The following ADCY2 variants were observed in gnomAD, a reference collection of about 807,000 sequenced individuals.
ADCY2 encodes adenylate cyclase 2.
In ADCY2, 31 loss-of-function variants were observed where a neutral mutation model predicts 125.2. That is an observed-to-expected ratio of 0.25 (90% CI 0.19 to 0.33). The LOEUF (loss-of-function observed/expected upper bound fraction) is 0.33. Ranked by LOEUF, ADCY2 falls within the 10% of genes least tolerant of loss-of-function variation. The pLI is 1.00. For synonymous variants in ADCY2, 512 were observed against 548.4 expected (o/e 0.93, Z 0.93); for missense variants, 904 against 1,418.2 (o/e 0.64, Z 5.82).
chr5:7,781,429 A>G (rs1364896046), intron 18 of ADCY2, among the ~76,000 whole-genome samples: 1 of 152,204 alleles, frequency 6.6e-6, no homozygotes, highest in Non-Finnish European at 1.5e-5. Flanking sequence ...AGTATAAGTG[A>G]TGCCCTCCTA....
chr5:7,609,906 G>A (rs572530370), intron 3 of ADCY2, among the ~76,000 whole-genome samples: 2 of 152,310 alleles, frequency 1.3e-5, no homozygotes, highest in South Asian at 4.1e-4. Context: ...AGAGAGCCAG[G>A]CATGAGATTG....
chr5:7,687,293 TTC>T (rs1430549714), intron 4 of ADCY2, among the ~76,000 whole-genome samples: 2 of 152,230 alleles, frequency 1.3e-5, no homozygotes, highest in African/African-American at 4.8e-5. Flanking sequence ...CTATATTTGA[TTC>T]TCTTTTTTTG....
intron 14 of ADCY2, among the ~76,000 whole-genome samples, chr5:7,736,184 C>T (rs1378219024): frequency 6.6e-6 from 1 of 152,138 alleles, no homozygotes; most frequent in African/African-American, 2.4e-5. Context: ...TGCACCACTG[C>T]ACTCTTGCTT....
At chr5:7,614,925 CT>C in intron 3 of ADCY2, among the ~76,000 whole-genome samples, 1 of 152,300 alleles carries the variant, frequency 6.6e-6, no homozygotes, top group South Asian at 2.1e-4. Flanking sequence ...CTACCTGAGA[CT>C]GGGTAACTTA....
chr5:7,783,852 C>G (rs962988881), intron 18 of ADCY2, among the ~76,000 whole-genome samples: 1 of 152,134 alleles, frequency 6.6e-6, no homozygotes, highest in African/African-American at 2.4e-5. Context: ...CCAAAATTTT[C>G]ATCTCTGTTA....
At chr5:7,654,385 A>G (rs563432232) in intron 4 of ADCY2, among the ~76,000 whole-genome samples, 3 of 152,238 alleles carry the variant, frequency 2.0e-5, no homozygotes, top group South Asian at 4.1e-4. Context: ...AATGAGCAGC[A>G]TGCCTGTACG....
At chr5:7,532,860 A>G (rs1312278040) in intron 3 of ADCY2, among the ~76,000 whole-genome samples, 1 of 152,018 alleles carries the variant, frequency 6.6e-6, no homozygotes, top group Non-Finnish European at 1.5e-5. Context: ...AGGATTTTGC[A>G]CATATCTCAA....
intron 3 of ADCY2, among the ~76,000 whole-genome samples, chr5:7,588,698 G>T (rs1361906143): frequency 6.6e-6 from 1 of 152,198 alleles, no homozygotes; most frequent in African/African-American, 2.4e-5. Context: ...ACTGAAATTT[G>T]AAATTTATGT....
At chr5:7,546,751 C>T (rs1168081285) in intron 3 of ADCY2, among the ~76,000 whole-genome samples, 1 of 152,226 alleles carries the variant, frequency 6.6e-6, no homozygotes, top group Admixed American at 6.5e-5. Context: ...GTGGGCTGTG[C>T]CTTCTCCAGC....
intron 6 of ADCY2, among the ~76,000 whole-genome samples, chr5:7,697,136 A>G (rs888273868): frequency 2.0e-5 from 3 of 152,036 alleles, no homozygotes; most frequent in African/African-American, 7.2e-5. Context: ...ACCCAATTCC[A>G]GTTCTACCTC....
At chr5:7,561,571 G>T (rs1735708899) in intron 3 of ADCY2, among the ~76,000 whole-genome samples, 1 of 133,562 alleles carries the variant, frequency 7.5e-6, no homozygotes, top group Admixed American at 6.9e-5. Flanking sequence ...TGAACTTTTA[G>T]AATGTGAAGA....
At chr5:7,478,918 C>T (rs941459192) in intron 2 of ADCY2, among the ~76,000 whole-genome samples, 4 of 152,056 alleles carry the variant, frequency 2.6e-5, no homozygotes, top group East Asian at 1.9e-4. Flanking sequence ...GATAGTTCAG[C>T]GTGTCATTTA....
chr5:7,438,700 T>C (rs949791700), intron 2 of ADCY2, among the ~76,000 whole-genome samples: 2 of 152,202 alleles, frequency 1.3e-5, no homozygotes, highest in African/African-American at 4.8e-5. Context: ...GTAAAATGGG[T>C]ATAATGAAAC....
At chr5:7,622,293 C>A (rs1737979689) in intron 3 of ADCY2, among the ~76,000 whole-genome samples, 1 of 152,262 alleles carries the variant, frequency 6.6e-6, no homozygotes, top group South Asian at 2.1e-4. Flanking sequence ...TTTAGGACAT[C>A]AATTGTATTT....
intron 2 of ADCY2, among the ~76,000 whole-genome samples, chr5:7,487,444 G>A (rs936672882): frequency 6.6e-6 from 1 of 152,068 alleles, no homozygotes; most frequent in Non-Finnish European, 1.5e-5. Context: ...TATGTCTTTG[G>A]TTATCATTTG....
At chr5:7,711,488 G>A (rs1457464573) in intron 10 of ADCY2, among the ~76,000 whole-genome samples, 4 of 152,196 alleles carry the variant, frequency 2.6e-5, no homozygotes, top group Non-Finnish European at 5.9e-5. Context: ...GTGATTTCCT[G>A]TGCTGTTTTT....
chr5:7,707,603 G>A, intron 8 of ADCY2, 103 bp from the exon 9 acceptor site: 2 of 1,403,674 alleles, frequency 1.4e-6, no homozygotes, highest in South Asian at 1.3e-5. Flanking sequence ...GTGCTCCTAA[G>A]AACTTTAGTG....
chr5:7,632,697 A>T (rs1738357743), intron 4 of ADCY2, among the ~76,000 whole-genome samples: 1 of 152,224 alleles, frequency 6.6e-6, no homozygotes, highest in African/African-American at 2.4e-5. Flanking sequence ...ACCACACTGT[A>T]TTATACTGGT....
chr5:7,801,850 T>C (rs77494955), intron 20 of ADCY2: 2,952 of 185,172 alleles, frequency 0.016, 110 homozygotes, highest in African/African-American at 0.065. Context: ...ATAGCCATAA[T>C]GAGTTATTTC....
Sources: gnomAD v4.1 joint callset for allele counts (sites outside exome capture counted in the v4.1 genomes callset) on GRCh38, gnomAD v4.1.1 for gene constraint, MANE v1.5 for transcripts, NCBI Gene and HGNC (gene_info 2026-07-23, HGNC 2026-07-21) for gene names.